Variants in HDAC9 observed in about 807,000 individuals in gnomAD.
HDAC9 encodes MEF-2 interacting transcription repressor (MITR) protein.
A neutral mutation model predicts 139.4 loss-of-function variants in HDAC9; 41 were observed. The ratio of observed to expected loss-of-function variants is 0.29; its 90% CI spans 0.23 to 0.38. The LOEUF (loss-of-function observed/expected upper bound fraction) is 0.38. Ranked by LOEUF, HDAC9 falls within the 10% of genes least tolerant of loss-of-function variation. The pLI is 1.00. For missense variants in HDAC9, 1,147 were observed against 1,297.0 expected, an observed-to-expected ratio of 0.88 and a Z score of 1.78; for synonymous variants, 517 against 476.2, an observed-to-expected ratio of 1.09 and a Z score of -1.12.
At chr7:18,212,578 A>G (rs1375468965) in intron 2 of HDAC9, among the ~76,000 whole-genome samples, 1 of 152,212 alleles carries the variant, frequency 6.6e-6, no homozygotes, top group Non-Finnish European at 1.5e-5. Flanking sequence ...GTAAAATGGG[A>G]TAATAATTGT....
chr7:18,892,397 G>A (rs1018758470), intron 22 of HDAC9, among the ~76,000 whole-genome samples: 1 of 152,062 alleles, frequency 6.6e-6, no homozygotes, highest in Non-Finnish European at 1.5e-5. Flanking sequence ...AGAAACTAAA[G>A]CATAAAAAAG....
intron 2 of HDAC9, among the ~76,000 whole-genome samples, chr7:18,170,075 A>G (rs778688721): frequency 3.3e-5 from 5 of 152,222 alleles, no homozygotes; most frequent in Non-Finnish European, 5.9e-5. Flanking sequence ...CACTCCCACC[A>G]ACAGTGTAAA....
chr7:18,179,499 A>G (rs533674693), intron 2 of HDAC9, among the ~76,000 whole-genome samples: 7 of 152,322 alleles, frequency 4.6e-5, no homozygotes, highest in South Asian at 2.1e-4. Flanking sequence ...CTTAACCACT[A>G]TATAAGGATG....
intron 13 of HDAC9, among the ~76,000 whole-genome samples, chr7:18,738,517 A>G (rs573637518): frequency 2.6e-5 from 4 of 152,122 alleles, no homozygotes; most frequent in East Asian, 3.9e-4. Context: ...CTTCACTTAT[A>G]AAGCTTAGTT....
chr7:18,585,240 A>T, intron 2 of HDAC9, 41 bp from the exon 3 acceptor site: 3 of 1,591,548 alleles, frequency 1.9e-6, no homozygotes, highest in Non-Finnish European at 2.6e-6. Flanking sequence ...ATCTTCTATT[A>T]CCCTCCCCCA....
intron 1 of HDAC9, among the ~76,000 whole-genome samples, chr7:18,392,016 T>A (rs551117882): frequency 5.9e-5 from 9 of 152,282 alleles, no homozygotes; most frequent in Non-Finnish European, 1.2e-4. Flanking sequence ...AATGACCTCC[T>A]CATCCTCATA....
chr7:18,412,576 T>G (rs908100242), intron 1 of HDAC9, among the ~76,000 whole-genome samples: 1 of 152,200 alleles, frequency 6.6e-6, no homozygotes, highest in African/African-American at 2.4e-5. Context: ...TAGATGAGGA[T>G]CCGGCAGTTC....
chr7:18,817,276 C>A lies in HDAC9; in HGVS notation c.2323-11885C>A, dbSNP rs369099103. ...GTCTCTGTCTCCTGACCTCGTGATC[C>A]GCCCACCTCGGCCTCCCAAAGTGCT... On this transcript the variant is annotated intron_variant, in intron 17 of 25. Coordinates refer to ENST00000686413, the MANE Select transcript of HDAC9 (RefSeq NM_178425.4). Among the ~76,000 whole-genome samples, 488 of 152,128 alleles carry A rather than the reference C, an allele frequency of 3.2e-3. 3 individuals carry two copies. Among genetic ancestry groups the A allele is most frequent in the African/African-American group, 0.011 (459 of 41,520 alleles).
chr7:18,375,578 C>T (rs1585460734), intron 1 of HDAC9, among the ~76,000 whole-genome samples: 1 of 152,136 alleles, frequency 6.6e-6, no homozygotes, highest in South Asian at 2.1e-4. Flanking sequence ...GCTAGGACAC[C>T]ACATATGTGG....
At chr7:18,775,062 A>G (rs1790641718) in intron 16 of HDAC9, among the ~76,000 whole-genome samples, 1 of 152,022 alleles carries the variant, frequency 6.6e-6, no homozygotes, top group Non-Finnish European at 1.5e-5. Context: ...CCTGAGAAAG[A>G]GAAGAGATGG....
chr7:18,113,530 A>G (rs57614658), intron 1 of HDAC9, among the ~76,000 whole-genome samples: 4 of 152,236 alleles, frequency 2.6e-5, no homozygotes, highest in Non-Finnish European at 5.9e-5. Flanking sequence ...CATTCATTGC[A>G]TGCATGGATA....
At chr7:18,783,688 G>C (rs2157901) in intron 16 of HDAC9, among the ~76,000 whole-genome samples, 46 of 148,168 alleles carry the variant, frequency 3.1e-4, no homozygotes, top group African/African-American at 5.2e-4. Flanking sequence ...TGCCTTTCCC[G>C]CTTTAGAATT....
At chr7:18,441,060 A>T (rs1191058761) in intron 1 of HDAC9, among the ~76,000 whole-genome samples, 1 of 152,202 alleles carries the variant, frequency 6.6e-6, no homozygotes, top group Non-Finnish European at 1.5e-5. Context: ...ACTTCTCTGG[A>T]TCATGTTCCT....
At chr7:18,171,283 G>A (rs1584446418) in intron 2 of HDAC9, among the ~76,000 whole-genome samples, 1 of 152,228 alleles carries the variant, frequency 6.6e-6, no homozygotes, top group East Asian at 1.9e-4. Context: ...GGTGATTTTT[G>A]CCCATTGATT....
chr7:18,333,249 G>A (rs1781335887), intron 1 of HDAC9, among the ~76,000 whole-genome samples: 1 of 151,392 alleles, frequency 6.6e-6, no homozygotes, highest in Admixed American at 6.6e-5. Flanking sequence ...CATTGGATGG[G>A]GTGAAGTTGG....
chr7:18,519,075 AAAGTT>A (rs775628120), intron 2 of HDAC9, among the ~76,000 whole-genome samples: 2 of 152,212 alleles, frequency 1.3e-5, no homozygotes, highest in Non-Finnish European at 2.9e-5. Context: ...GAATTAACCT[AAAGTT>A]TAGTTTGAAG....
intron 6 of HDAC9, among the ~76,000 whole-genome samples, chr7:18,615,054 A>G (rs1838197725): frequency 1.3e-5 from 2 of 152,186 alleles, no homozygotes; most frequent in Non-Finnish European, 2.9e-5. Context: ...TAGCATTTCA[A>G]TGGTTTTCCT....
intron 22 of HDAC9, among the ~76,000 whole-genome samples, chr7:18,895,402 C>T (rs1801093273): frequency 6.6e-6 from 1 of 151,880 alleles, no homozygotes; most frequent in Non-Finnish European, 1.5e-5. Context: ...AGAAATACTG[C>T]AGTGTGGCAG....
At chr7:18,823,196 G>A (rs907911120) in intron 17 of HDAC9, among the ~76,000 whole-genome samples, 1 of 152,140 alleles carries the variant, frequency 6.6e-6, no homozygotes, top group Non-Finnish European at 1.5e-5. Flanking sequence ...AGAATTTCTG[G>A]TGGAAGAATG....
Sources: allele counts gnomAD v4.1 joint callset (sites outside exome capture counted in the v4.1 genomes callset), GRCh38; gene constraint gnomAD v4.1.1; transcripts MANE v1.5; gene names NCBI Gene and HGNC (gene_info 2026-07-23, HGNC 2026-07-21).